CCDC74A: variants seen among roughly 807,000 people sequenced by gnomAD.
CCDC74A encodes the protein coiled-coil domain-containing protein 74A.
A neutral mutation model predicts 37.6 loss-of-function variants in CCDC74A; 38 were observed. The observed-to-expected ratio is 1.01, with a 90% CI of 0.78 to 1.33. The LOEUF is 1.33. CCDC74A is among the 40% of genes most tolerant of loss of function. The probability of loss-of-function intolerance (pLI) is 0.00; values close to 1 mark genes in which losing one functional copy is unlikely to be tolerated. For synonymous variants in CCDC74A, 134 were observed against 165.2 expected (o/e 0.81, Z 1.45); for missense variants, 340 against 403.4 (o/e 0.84, Z 1.35).
At chr2:131,528,672 G>A (rs1680635569) in intron 1 of CCDC74A, 3 of 459,794 alleles carry the variant, frequency 6.5e-6, no homozygotes, top group South Asian at 5.7e-5. Context: ...TTAGCTAGGC[G>A]TGGTGGTGGG....
At chr2:131,529,530 A>C in intron 1 of CCDC74A, 117 bp from the exon 2 acceptor site, 2 of 1,376,034 alleles carry the variant, frequency 1.5e-6, no homozygotes, top group South Asian at 2.3e-5. Context: ...GGGCCCAATC[A>C]GCCAGTGGGG....
At chr2:131,525,218 C>T (rs1573507191), upstream of CCDC74A, among the ~76,000 whole-genome samples, 1 of 152,226 alleles carries the variant, frequency 6.6e-6, no homozygotes, top group South Asian at 2.1e-4. Context: ...TTCTCTAATG[C>T]ACTTCCCTTT....
Position 131,531,722 on chromosome 2 carries a change from C to T in CCDC74A, c.405C>T (p.Ser135=). The change falls in exon 4 of 8, where the codon TCC becomes TCT. Residue 135 remains serine, a synonymous_variant. Coordinates refer to ENST00000409856, the MANE Select transcript of CCDC74A (RefSeq NM_001258306.3). ...AGCAAGATTCAAAAGCTGACGTCTC[C>T]CAGAAGGCGGACCTGGAAGAGGAGC... ...FNKQDSKADV[S]QKADLEEEPL... 6.7e-7 allele frequency: 1 copy of T among 1,499,628 alleles called. No individual in the cohort carries two copies. The allele number at this position is 1,499,628 out of a possible 1,614,324, so 92.9% of individuals were successfully genotyped here. A position where few individuals can be genotyped will look rare whatever the true frequency, so the allele number is the denominator to read the frequency against.
intron 2 of CCDC74A, 81 bp from the exon 3 acceptor site, chr2:131,530,696 G>C: frequency 1.9e-6 from 3 of 1,613,338 alleles, no homozygotes; most frequent in Non-Finnish European, 2.5e-6. Flanking sequence ...CTGAAGGAGG[G>C]CTCCTCACGG....
chr2:131,523,209 C>A (rs1473043206), upstream of CCDC74A, among the ~76,000 whole-genome samples: 4 of 152,188 alleles, frequency 2.6e-5, no homozygotes, highest in African/African-American at 9.6e-5. Flanking sequence ...TGGAGAGAGG[C>A]CTCTTATGTA....
Position 131,533,515 on chromosome 2 carries a change from C to T in CCDC74A, c.*117C>T, listed in dbSNP as rs1245322657. Reference sequence around the variant, plus strand: ...CCTGGCTAAATTCCAAGACAGATAACACTCAAGATAGATAAAGTACTTGAT... The same window carrying T: ...CCTGGCTAAATTCCAAGACAGATAATACTCAAGATAGATAAAGTACTTGAT... On this transcript the variant is annotated 3_prime_UTR_variant, in exon 8 of 8. Coordinates refer to ENST00000409856, the MANE Select transcript of CCDC74A (RefSeq NM_001258306.3). The T allele has an allele frequency of 7.2e-7, 1 of 1,390,322 alleles. No homozygotes were observed. Among genetic ancestry groups the T allele is most frequent in the Non-Finnish European group, 9.7e-7 (1 of 1,028,656 alleles). 86.1% of individuals were successfully genotyped at this position (1,390,322 alleles called of 1,614,324 possible).
chr2:131,530,128 C>T, intron 2 of CCDC74A: 1 of 1,550,094 alleles, frequency 6.5e-7, no homozygotes, highest in South Asian at 1.2e-5. Context: ...CCAGGGATCC[C>T]TTCCTGCCAT....
chr2:131,530,471 G>A (rs745595628), intron 2 of CCDC74A: 16 of 1,548,762 alleles, frequency 1.0e-5, no homozygotes, highest in Admixed American at 4.1e-5. Flanking sequence ...GGCCCAAGTC[G>A]GCAGCCCCAG....
chr2:131,531,339 G>C (rs1681260955), intron 3 of CCDC74A, among the ~76,000 whole-genome samples: 1 of 152,092 alleles, frequency 6.6e-6, no homozygotes, highest in Non-Finnish European at 1.5e-5. Context: ...CCAGGTGCTA[G>C]ACGGGCCTTG....
rs1215468462 is a variant in CCDC74A, at chr2:131,533,573, G to A, written c.*175G>A. 3.4e-6 allele frequency: 3 copies of A among 888,038 alleles called. No homozygotes were observed. Among genetic ancestry groups the A allele is most frequent in the Non-Finnish European group, 5.0e-6 (3 of 596,476 alleles). 55.0% of individuals were successfully genotyped at this position (888,038 alleles called of 1,614,324 possible). ...CTGACAAACTGTTTATTTTCTAGCT[G>A]TTATTTTGCTATTTGGCATTTACAT... On this transcript the variant is annotated 3_prime_UTR_variant, in exon 8 of 8. Transcript: ENST00000409856.
At chr2:131,526,304 G>A (rs1293609544), upstream of CCDC74A, among the ~76,000 whole-genome samples, 10 of 149,436 alleles carry the variant, frequency 6.7e-5, no homozygotes, top group African/African-American at 1.5e-4. Context: ...ATGCCACCAC[G>A]CTAGCTAATT....
upstream of CCDC74A, among the ~76,000 whole-genome samples, chr2:131,524,268 T>G (rs925441355): frequency 3.3e-5 from 5 of 151,910 alleles, no homozygotes; most frequent in Admixed American, 3.3e-4. Flanking sequence ...ATTTGGAGAG[T>G]AAGTATGGTT....
intron 3 of CCDC74A, among the ~76,000 whole-genome samples, chr2:131,531,121 G>A (rs1681220973): frequency 2.0e-5 from 3 of 152,108 alleles, no homozygotes; most frequent in South Asian, 4.1e-4. Context: ...TAGGGAGGAT[G>A]TACCCTGGCT....
chr2:131,530,042 C>G, intron 2 of CCDC74A: 1 of 1,550,392 alleles, frequency 6.4e-7, no homozygotes, highest in Non-Finnish European at 8.7e-7. Flanking sequence ...GCTGCTGTGG[C>G]CAGGCCCAGG....
At position 131,532,842 on chromosome 2, in the gene CCDC74A, T is replaced by C. The variant is rs202052126; in HGVS notation, c.679-22T>C. ...TCTGGCACCGCCACAGGCCCCACCA[T>C]GCCCCTGCCCCTGCCTTTCAGCTGC... On this transcript the variant is annotated intron_variant, in intron 5 of 7. Coordinates refer to ENST00000409856, the MANE Select transcript of CCDC74A (RefSeq NM_001258306.3). The C allele has an allele frequency of 6.4e-3, 10,255 of 1,601,498 alleles. 97 individuals are homozygous for C. Among genetic ancestry groups the C allele is most frequent in the Middle Eastern group, 7.9e-3 (45 of 5,714 alleles).
intron 2 of CCDC74A, chr2:131,530,247 T>G (rs2104804245): frequency 1.9e-6 from 3 of 1,546,474 alleles, no homozygotes; most frequent in Non-Finnish European, 2.6e-6. Context: ...CCCAGGATCC[T>G]GGGCTGTGGT....
chr2:131,525,264 T>G (rs2104770256), upstream of CCDC74A, among the ~76,000 whole-genome samples: 1 of 152,352 alleles, frequency 6.6e-6, no homozygotes, highest in East Asian at 1.9e-4. Flanking sequence ...TTTTCCTTCT[T>G]TTTTTGAAAC....
At chr2:131,523,762 T>C (rs1316459201), upstream of CCDC74A, among the ~76,000 whole-genome samples, 1 of 152,188 alleles carries the variant, frequency 6.6e-6, no homozygotes, top group Non-Finnish European at 1.5e-5. Context: ...GGCATGTGCA[T>C]TAAGAGACAA....
At position 131,532,678 on chromosome 2, in the gene CCDC74A, C is replaced by T. The variant is rs142708014; in HGVS notation, c.575C>T (p.Pro192Leu). ...AGGCAGATGGGGGCGGGGGCACACCCCCCAATGATCCTGCCCCTTCCCCTG... is the reference window on the plus strand; with the variant it reads ...AGGCAGATGGGGGCGGGGGCACACCTCCCAATGATCCTGCCCCTTCCCCTG... ...QGRQMGAGAHPPMILPLPLRK... is the reference protein window; with the variant it reads ...QGRQMGAGAHLPMILPLPLRK... The change falls in exon 5 of 8, where the codon CCC (proline) becomes CTC (leucine). Residue 192 changes from proline to leucine, a missense_variant. This residue lies in a region of CCDC74A where 185 missense variants were observed against 231.5 expected (regional missense o/e 0.80). Coordinates refer to ENST00000409856, the MANE Select transcript of CCDC74A (RefSeq NM_001258306.3). 262 of 1,613,304 alleles carry T rather than the reference C, an allele frequency of 1.6e-4. 4 individuals carry two copies. The East Asian group carries it at 3.5e-3, about 22-fold the overall frequency.
Sources: gnomAD v4.1 joint callset for allele counts (sites outside exome capture counted in the v4.1 genomes callset) on GRCh38, gnomAD v4.1.1 for gene constraint, gnomAD v4.1.1 regional missense constraint, MANE v1.5 for transcripts, NCBI Gene and HGNC (gene_info 2026-07-23, HGNC 2026-07-21) for gene names.